Variants in ESRRG observed in about 807,000 individuals in gnomAD.
ESRRG encodes estrogen-related receptor gamma.
A neutral mutation model predicts 44.0 loss-of-function variants in ESRRG; 13 were observed. That is an observed-to-expected ratio of 0.30 (90% CI 0.19 to 0.47). ESRRG has a LOEUF of 0.47. Among genes scored for constraint, ESRRG ranks in the 20% least tolerant of loss-of-function variants. The pLI, the probability that ESRRG is intolerant of heterozygous loss-of-function variation, is 1.00. For missense variants in ESRRG, 395 were observed against 580.6 expected (o/e 0.68, Z 3.29); for synonymous variants, 215 against 214.6 (o/e 1.00, Z -0.02).
chr1:216,607,150 T>C (rs146040935), intron 3 of ESRRG, among the ~76,000 whole-genome samples: 1 of 152,176 alleles, frequency 6.6e-6, no homozygotes, highest in Non-Finnish European at 1.5e-5. Context: ...AGAAATCTTG[T>C]CTATTCCAAT....
chr1:216,888,419 T>C (rs1195483678), intron 2 of ESRRG, among the ~76,000 whole-genome samples: 1 of 152,224 alleles, frequency 6.6e-6, no homozygotes, highest in Non-Finnish European at 1.5e-5. Flanking sequence ...TTTCTGAGAC[T>C]ATTTGCTTGT....
chr1:216,507,282 ACTT>A, intron 6 of ESRRG, 99 bp from the exon 7 acceptor site: 1 of 808,364 alleles, frequency 1.2e-6, no homozygotes, highest in South Asian at 2.5e-5. Flanking sequence ...TTATTTTTGA[ACTT>A]CTCTGAGCTT....
At chr1:216,976,209 C>A (rs1486199207) in intron 1 of ESRRG, among the ~76,000 whole-genome samples, 1 of 151,990 alleles carries the variant, frequency 6.6e-6, no homozygotes, top group Non-Finnish European at 1.5e-5. Flanking sequence ...ACAAATCACT[C>A]TAATAACTCT....
intron 3 of ESRRG, among the ~76,000 whole-genome samples, chr1:216,583,411 A>T (rs563602758): frequency 7.9e-4 from 120 of 152,248 alleles, no homozygotes; most frequent in African/African-American, 2.8e-3. Flanking sequence ...TATTTCAAAA[A>T]CTCACTCTAC....
At chr1:216,565,374 C>T (rs2059505809) in intron 4 of ESRRG, among the ~76,000 whole-genome samples, 1 of 152,150 alleles carries the variant, frequency 6.6e-6, no homozygotes, top group South Asian at 2.1e-4. Context: ...AATAAACCCA[C>T]ATATTTAAAT....
chr1:216,852,255 G>A (rs1337656575), intron 2 of ESRRG, among the ~76,000 whole-genome samples: 1 of 151,932 alleles, frequency 6.6e-6, no homozygotes, highest in East Asian at 1.9e-4. Flanking sequence ...AGACAGTACT[G>A]ATATATGCTG....
rs1559604506 is a variant in ESRRG, at chr1:216,779,286, T to TTATATTTATAAATATAAATA, written c.-13-101796_-13-101795insTATTTATATTTATAAATATA. Among the ~76,000 whole-genome samples, 127 of 18,378 alleles carry TTATATTTATAAATATAAATA rather than the reference T, an allele frequency of 6.9e-3. 2 individuals are homozygous for TTATATTTATAAATATAAATA. Among genetic ancestry groups the TTATATTTATAAATATAAATA allele is most frequent in the Non-Finnish European group, 8.3e-3 (106 of 12,830 alleles). 12.1% of individuals were successfully genotyped at this position (18,378 alleles called of 152,430 possible). On this transcript the variant is annotated intron_variant, in intron 2 of 7. Coordinates refer to the ESRRG transcript ENST00000359162. ...AAATATATATTTATATTTATAAACATTATATTTATATTTATAAACATTATA... is the reference window on the plus strand; with the variant it reads ...AAATATATATTTATATTTATAAACATTATATTTATAAATATAAATATATATTTATATTTATAAACATTATA...
intron 1 of ESRRG, among the ~76,000 whole-genome samples, chr1:216,684,299 T>C (rs1045638423): frequency 6.6e-6 from 1 of 152,234 alleles, no homozygotes; most frequent in African/African-American, 2.4e-5. Flanking sequence ...GAAATGGTCC[T>C]GTGATATCAC....
At chr1:216,757,622 T>G (rs1000261881) in intron 2 of ESRRG, among the ~76,000 whole-genome samples, 2 of 152,014 alleles carry the variant, frequency 1.3e-5, no homozygotes, top group South Asian at 4.2e-4. Flanking sequence ...ACCAAAACAT[T>G]AAAGTTCAAC....
At position 216,890,214 on chromosome 1, in the gene ESRRG, A is replaced by G. The variant is rs1333992821; in HGVS notation, c.-14+49368T>C. 2.0e-5 allele frequency among the ~76,000 whole-genome samples: 3 copies of G among 152,166 alleles called. No homozygotes were observed. The East Asian group carries it at 5.8e-4, about 29-fold the overall frequency. On this transcript the variant is annotated intron_variant, in intron 2 of 7. Transcript: ENST00000359162. Reference sequence around the variant, plus strand: ...CAGAAGGTTGAGGCTACAATCAGCCATGATAGCACCAATGCACTCCAGCCT... The same window carrying G: ...CAGAAGGTTGAGGCTACAATCAGCCGTGATAGCACCAATGCACTCCAGCCT...
chr1:216,797,694 G>T (rs1187824554), intron 2 of ESRRG, among the ~76,000 whole-genome samples: 1 of 152,066 alleles, frequency 6.6e-6, no homozygotes, highest in East Asian at 1.9e-4. Context: ...TTTGGGGAGG[G>T]AGACCACAGA....
Position 216,622,608 on chromosome 1 carries a change from T to TCACACACA in ESRRG, c.589+28364_589+28365insTGTGTGTG, listed in dbSNP as rs769882782. On this transcript the variant is annotated intron_variant, in intron 3 of 6. Coordinates refer to ENST00000408911, the MANE Select transcript of ESRRG (RefSeq NM_001438.4). ...AGCTCCAATGGAAAACAAATGAAAA[T>TCACACACA]TACACACACGCACACACACACACAC... Among the ~76,000 whole-genome samples, 331 of 136,880 alleles carry TCACACACA rather than the reference T, an allele frequency of 2.4e-3. 1 individual carries two copies. Among genetic ancestry groups the TCACACACA allele is most frequent in the Non-Finnish European group, 3.4e-3 (206 of 61,240 alleles). The allele number at this position is 136,880 out of a possible 152,430, so 89.8% of individuals were successfully genotyped here.
At position 216,506,063 on chromosome 1, in the gene ESRRG, T is replaced by C. The variant is rs543557647; in HGVS notation, c.*876A>G. Reference sequence around the variant, plus strand: ...TAAACTATTCCCTGAAAAAGTTACATAGTAGCTAAACTAACAAATACCTGG... The same window carrying C: ...TAAACTATTCCCTGAAAAAGTTACACAGTAGCTAAACTAACAAATACCTGG... On this transcript the variant is annotated 3_prime_UTR_variant, in exon 7 of 7. Transcript: ENST00000408911. 6.5e-6 allele frequency: 1 copy of C among 152,798 alleles called. No individual in the cohort carries two copies. The highest frequency in any genetic ancestry group is 2.4e-5 in the African/African-American group (1 of 41,574). 9.5% of individuals were successfully genotyped at this position (152,798 alleles called of 1,614,324 possible). A position where few individuals can be genotyped will look rare whatever the true frequency, so the allele number is the denominator to read the frequency against.
chr1:217,118,025 T>C (rs2092760160), intron 1 of ESRRG, among the ~76,000 whole-genome samples: 1 of 152,226 alleles, frequency 6.6e-6, no homozygotes, highest in Non-Finnish European at 1.5e-5. Flanking sequence ...AATCTAATAA[T>C]AATAGCTAGA....
intron 1 of ESRRG, 45 bp from the exon 2 acceptor site, chr1:216,677,536 G>A: frequency 6.7e-7 from 1 of 1,493,880 alleles, no homozygotes. Context: ...AGGAGAGAGT[G>A]TCAAGCACAG....
At chr1:216,869,806 C>A (rs952479208) in intron 2 of ESRRG, among the ~76,000 whole-genome samples, 1 of 151,692 alleles carries the variant, frequency 6.6e-6, no homozygotes, top group Non-Finnish European at 1.5e-5. Flanking sequence ...ATTTTTGGAG[C>A]TATTATAATT....
chr1:217,075,228 TG>T (rs1308736981), intron 1 of ESRRG, among the ~76,000 whole-genome samples: 1 of 152,230 alleles, frequency 6.6e-6, no homozygotes, highest in Non-Finnish European at 1.5e-5. Flanking sequence ...AACAGTTTAC[TG>T]GACACTTACT....
chr1:216,986,152 C>A (rs2074822748), intron 1 of ESRRG, among the ~76,000 whole-genome samples: 1 of 152,112 alleles, frequency 6.6e-6, no homozygotes, highest in South Asian at 2.1e-4. Flanking sequence ...TTGGGTGACC[C>A]AGGAATGATC....
intron 2 of ESRRG, among the ~76,000 whole-genome samples, chr1:216,875,183 C>T (rs775517942): frequency 3.9e-5 from 6 of 152,074 alleles, no homozygotes; most frequent in African/African-American, 7.2e-5. Flanking sequence ...AACCCTAATA[C>T]GAGCCCTGAA....
Sources: allele counts gnomAD v4.1 joint callset (sites outside exome capture counted in the v4.1 genomes callset), GRCh38; gene constraint gnomAD v4.1.1; transcripts MANE v1.5; gene names NCBI Gene and HGNC (gene_info 2026-07-23, HGNC 2026-07-21).